Variants in SCNN1D observed in about 807,000 individuals in gnomAD.
SCNN1D encodes sodium channel epithelial 1 subunit delta, also known as epithelial sodium channel subunit delta.
In SCNN1D, 104 loss-of-function variants were observed where a neutral mutation model predicts 87.8. That is an observed-to-expected ratio of 1.18 (90% CI 1.01 to 1.39). The LOEUF (loss-of-function observed/expected upper bound fraction) is 1.39, where lower values mean the gene tolerates loss of function less well. Ranked by LOEUF, SCNN1D falls within the 40% of genes most tolerant of loss-of-function variation. The pLI, the probability that SCNN1D is intolerant of heterozygous loss-of-function variation, is 0.00. For synonymous variants in SCNN1D, 628 were observed against 481.2 expected (o/e 1.31, Z -3.99); for missense variants, 1,324 against 1,093.9 (o/e 1.21, Z -2.97).
intron 7 of SCNN1D, 101 bp downstream of exon 7, chr1:1,286,379 G>A: frequency 1.0e-6 from 1 of 988,796 alleles, no homozygotes; most frequent in Non-Finnish European, 1.5e-6. Flanking sequence ...GCCGAGGAGG[G>A]GGCTCTGTGT....
chr1:1,291,202 G>C (rs1570615560), intron 17 of SCNN1D, 52 bp from the exon 18 acceptor site: 1 of 1,584,400 alleles, frequency 6.3e-7, no homozygotes, highest in East Asian at 2.3e-5. Context: ...GCCCTGCACA[G>C]AAGGGGCACG....
Position 1,290,291 on chromosome 1 carries a change from C to G in SCNN1D, c.1683C>G (p.Phe561Leu), listed in dbSNP as rs924291622. 6.4e-7 allele frequency: 1 copy of G among 1,574,446 alleles called. No individual in the cohort carries two copies. The highest frequency in any genetic ancestry group is 8.6e-7 in the Non-Finnish European group (1 of 1,158,456). Reference protein sequence around the residue: ...YTRQACLVSCFQQLMVETCSC... With the variant: ...YTRQACLVSCLQQLMVETCSC... ...CCCAGGCCTGCCTGGTGTCCTGCTT[C>G]CAGCAGCTGATGGTGGAGACCTGCT... Residue 561 changes from phenylalanine to leucine, a missense_variant, in exon 13 of 18, where the codon TTC (phenylalanine) becomes TTG (leucine). Phe to Leu is a conservative substitution (Grantham distance 22, BLOSUM62 0). Coordinates refer to ENST00000379116, the MANE Select transcript of SCNN1D (RefSeq NM_001130413.4).
rs1264997656 is a variant in SCNN1D at position 1,290,395 on chromosome 1, C to T, written c.1780+7C>T. 4 of 1,606,718 alleles carry T rather than the reference C, an allele frequency of 2.5e-6. No individual in the cohort carries two copies. The highest frequency in any genetic ancestry group is 3.4e-6 in the Non-Finnish European group (4 of 1,176,178). ...GCCCGGCACCCTGCCTGGGGTGAGT[C>T]CTGCTCGCTGCCTCCCACTCTGTCA... On this transcript the variant is annotated splice_region_variant and intron_variant, in intron 13 of 17. Transcript: ENST00000379116.
intron 4 of SCNN1D, among the ~76,000 whole-genome samples, chr1:1,282,953 C>T (rs1406437699): frequency 2.0e-5 from 3 of 151,990 alleles, no homozygotes; most frequent in East Asian, 3.9e-4. Context: ...GGGGTTTCAC[C>T]GTGTTAGGCA....
intron 5 of SCNN1D, among the ~76,000 whole-genome samples, chr1:1,284,998 A>G (rs1056468083): frequency 6.6e-6 from 1 of 152,124 alleles, no homozygotes; most frequent in African/African-American, 2.4e-5. Context: ...AGGAGTGGGG[A>G]CTGGAGTCAC....
chr1:1,291,244 C>A lies in SCNN1D; in HGVS notation c.2053-10C>A. On this transcript the variant is annotated splice_polypyrimidine_tract_variant and intron_variant, in intron 17 of 17. Transcript: ENST00000379116. ...TGGGCCCGCCCCTCACACCCGCACCCCACCCGCAGGTGCCGCAGCTGCTCT... is the reference window on the plus strand; with the variant it reads ...TGGGCCCGCCCCTCACACCCGCACCACACCCGCAGGTGCCGCAGCTGCTCT... 1 of 1,559,786 alleles carries A rather than the reference C, an allele frequency of 6.4e-7. No homozygotes were observed. The highest frequency in any genetic ancestry group is 8.7e-7 in the Non-Finnish European group (1 of 1,153,356).
rs1007591731 is a variant in SCNN1D, at chr1:1,280,443, G to A, written c.-219G>A. 9 of 418,598 alleles carry A rather than the reference G, an allele frequency of 2.2e-5. No individual in the cohort carries two copies. Among genetic ancestry groups the A allele is most frequent in the South Asian group, 6.8e-5 (2 of 29,492 alleles). The allele number at this position is 418,598 out of a possible 1,614,324, so 25.9% of individuals were successfully genotyped here. ...CGCGCCACTGCCCTCCAGCCTGGGC[G>A]ACAGCGAGACTCCATCTCAATAAAT... On this transcript the variant is annotated 5_prime_UTR_variant, in exon 1 of 18. Coordinates refer to ENST00000379116, the MANE Select transcript of SCNN1D (RefSeq NM_001130413.4).
Position 1,281,226 on chromosome 1 carries a change from G to A in SCNN1D, c.6G>A (p.Arg2=), listed in dbSNP as rs531591409. The A allele has an allele frequency of 6.6e-5, 102 of 1,535,322 alleles. 2 individuals are homozygous for A. The African/African-American group carries it at 1.3e-3, about 19-fold the overall frequency. The change falls in exon 2 of 18, where the codon AGG becomes AGA. Residue 2 remains arginine, a splice_region_variant and synonymous_variant. Coordinates refer to ENST00000379116, the MANE Select transcript of SCNN1D (RefSeq NM_001130413.4). The stretch of plus-strand genomic sequence containing the variant: ...GATGCCAGGCGCCTGCCATCTCCAG[G>A]GCAGTGCTGTCACAGAAGACAACAC... M[R]AVLSQKTTPL...
At chr1:1,283,437 G>A (rs557344442) in intron 4 of SCNN1D, among the ~76,000 whole-genome samples, 2 of 152,134 alleles carry the variant, frequency 1.3e-5, no homozygotes, top group South Asian at 2.1e-4. Flanking sequence ...GGTGGCTCAC[G>A]CCTGTAATCC....
At position 1,290,967 on chromosome 1, in the gene SCNN1D, C is replaced by T. The variant is rs371613599; in HGVS notation, c.1976+14C>T. ...CCACAGACAGAGGTGGGTGCACCCT[C>T]CCCCTCCAGAGAGGCATCACAGCCC... On this transcript the variant is annotated intron_variant, in intron 16 of 17. Transcript: ENST00000379116. 3.5e-5 allele frequency: 56 copies of T among 1,602,472 alleles called. No homozygotes were observed. The highest frequency in any genetic ancestry group is 4.5e-5 in the South Asian group (4 of 89,566).
intron 1 of SCNN1D, 58 bp from the exon 2 acceptor site, chr1:1,281,167 CT>C: frequency 7.0e-7 from 1 of 1,437,238 alleles, no homozygotes; most frequent in East Asian, 2.9e-5. Flanking sequence ...GGAAACGGGG[CT>C]CTGGGATAGG....
chr1:1,291,506 A>C lies in SCNN1D; in HGVS notation c.2305A>C (p.Ser769Arg). The C allele has an allele frequency of 1.9e-6, 3 of 1,608,894 alleles. No homozygotes were observed. Among genetic ancestry groups the C allele is most frequent in the Non-Finnish European group, 2.5e-6 (3 of 1,177,452 alleles). Residue 769 changes from serine (S) to arginine (R), a missense_variant, in exon 18 of 18, where the codon AGC (serine) becomes CGC (arginine). Ser to Arg is a moderately radical substitution (Grantham distance 110). Coordinates refer to ENST00000379116, the MANE Select transcript of SCNN1D (RefSeq NM_001130413.4). ...CGGCACGTCAGATGACCCGGAGCCC[A>C]GCGGGCCTCATCTCCCACGGGTGAT... ...AGGTSDDPEP[S>R]GPHLPRVMLP... is the part of the protein sequence containing the mutation.
rs1216726382 is a variant in SCNN1D, at chr1:1,281,315, C to A, written c.77+18C>A. ...CCAAGGAGGTGAGCTCACAGCCATG[C>A]TCGGTCAATGGGGCCTGGCCGTCTT... On this transcript the variant is annotated intron_variant, in intron 2 of 17. Coordinates refer to ENST00000379116, the MANE Select transcript of SCNN1D (RefSeq NM_001130413.4). 6.5e-7 allele frequency: 1 copy of A among 1,535,588 alleles called. No homozygotes were observed. The highest frequency in any genetic ancestry group is 8.7e-7 in the Non-Finnish European group (1 of 1,146,718).
chr1:1,287,544 C>T lies in SCNN1D; in HGVS notation c.1347C>T (p.Ser449=). 3 of 1,542,538 alleles carry T rather than the reference C, an allele frequency of 1.9e-6. No individual in the cohort carries two copies. The highest frequency in any genetic ancestry group is 1.2e-5 in the South Asian group (1 of 80,392). Residue 449 remains serine (S), a synonymous_variant, in exon 10 of 18, where the codon AGC becomes AGT. Transcript: ENST00000379116. ...CCTTCCACCACCCCACCTACGGCAG[C>T]TGCTACACGGTCGATGGCGTCTGGA... ...FRTFHHPTYG[S]CYTVDGVWTA...
At position 1,290,831 on chromosome 1, in the gene SCNN1D, C is replaced by T. The variant is rs559050272; in HGVS notation, c.1918-64C>T. The T allele has an allele frequency of 7.0e-5, 112 of 1,589,664 alleles. No individual in the cohort carries two copies. The African/African-American group carries it at 7.9e-4, about 11-fold the overall frequency. On this transcript the variant is annotated intron_variant, in intron 15 of 17. Coordinates refer to ENST00000379116, the MANE Select transcript of SCNN1D (RefSeq NM_001130413.4). ...CGTGGTCTCTGCCCCCACATCCGCCCGTGGTACCCAGGATGGCCGGGGGCA... is the reference window on the plus strand; with the variant it reads ...CGTGGTCTCTGCCCCCACATCCGCCTGTGGTACCCAGGATGGCCGGGGGCA...
intron 4 of SCNN1D, among the ~76,000 whole-genome samples, chr1:1,283,586 T>C (rs996716822): frequency 9.9e-5 from 15 of 152,172 alleles, no homozygotes; most frequent in Non-Finnish European, 1.5e-4. Flanking sequence ...TAATCCCAGC[T>C]ACTCAGGAGG....
In SCNN1D at chr1:1,286,194, A is replaced by C. The variant is rs1402794778; in HGVS notation, c.827A>C (p.His276Pro). Reference protein sequence around the residue: ...QLGLLFERHWHRPVLMAVSVH... With the variant: ...QLGLLFERHWPRPVLMAVSVH... ...GGGCTCCTCTTTGAGCGTCACTGGC[A>C]CCGCCCGGTCCTCATGGCCGTCTCT... Residue 276 changes from histidine to proline, a missense_variant, in exon 7 of 18, where the codon CAC becomes CCC. His to Pro is a moderately conservative substitution (Grantham distance 77). Transcript: ENST00000379116. 2 of 1,601,702 alleles carry C rather than the reference A, an allele frequency of 1.2e-6. No homozygotes were observed. The highest frequency in any genetic ancestry group is 8.5e-7 in the Non-Finnish European group (1 of 1,177,972).
intron 12 of SCNN1D, 38 bp from the exon 13 acceptor site, chr1:1,290,233 C>T (rs779143790): frequency 2.4e-5 from 36 of 1,473,228 alleles, no homozygotes; most frequent in Non-Finnish European, 3.3e-5. Flanking sequence ...CATGTCTCCG[C>T]TCCATCCCAT....
Position 1,291,289 on chromosome 1 carries a change from C to T in SCNN1D, c.2088C>T (p.Cys696=), listed in dbSNP as rs145989045. 243 of 1,571,654 alleles carry T rather than the reference C, an allele frequency of 1.5e-4. No individual in the cohort carries two copies. The African/African-American group carries it at 3.2e-3, about 20-fold the overall frequency. The change falls in exon 18 of 18, where the codon TGC becomes TGT. Residue 696 remains cysteine (C), a synonymous_variant. Transcript: ENST00000379116. ...PQLLSAMGSL[C]SLWFGASVLS... ...TGCTCTCGGCCATGGGCAGCCTCTG[C>T]AGCCTGTGGTTTGGGGCCTCCGTCC...
Sources: allele counts gnomAD v4.1 joint callset (sites outside exome capture counted in the v4.1 genomes callset), GRCh38; gene constraint gnomAD v4.1.1; transcripts MANE v1.5; gene names NCBI Gene and HGNC (gene_info 2026-07-23, HGNC 2026-07-21).